The following ATP6V1B2 variants were observed in gnomAD, a reference collection of about 807,000 sequenced individuals.
ATP6V1B2 encodes the protein V-type proton ATPase subunit B, brain isoform.
A neutral mutation model predicts 66.7 loss-of-function variants in ATP6V1B2; 23 were observed. The ratio of observed to expected loss-of-function variants is 0.34; its 90% CI spans 0.25 to 0.49. ATP6V1B2 has a LOEUF of 0.49. Ranked by LOEUF, ATP6V1B2 falls within the 20% of genes least tolerant of loss-of-function variation. ATP6V1B2 has a pLI of 0.99. For synonymous variants in ATP6V1B2, 278 were observed against 236.7 expected (o/e 1.17, Z -1.60); for missense variants, 478 against 650.8 (o/e 0.73, Z 2.89).
At chr8:20,207,573 TAATAA>T (rs547538761) in intron 2 of ATP6V1B2, among the ~76,000 whole-genome samples, 237 of 151,752 alleles carry the variant, frequency 1.6e-3, no homozygotes, top group African/African-American at 5.1e-3. Flanking sequence ...AGTATAATAA[TAATAA>T]AATAAAATAA....
intron 9 of ATP6V1B2, 184 bp downstream of exon 9, chr8:20,213,089 G>A: frequency 1.4e-6 from 1 of 704,740 alleles, no homozygotes; most frequent in South Asian, 1.8e-5. Flanking sequence ...AGTGATTAGA[G>A]GTTAAGATTT....
chr8:20,215,123 C>T, intron 10 of ATP6V1B2, 155 bp downstream of exon 10: 1 of 878,840 alleles, frequency 1.1e-6, no homozygotes. Flanking sequence ...TTGAAAATTA[C>T]CCACAGTTAT....
At chr8:20,206,515 A>G (rs749895461) in intron 2 of ATP6V1B2, among the ~76,000 whole-genome samples, 7 of 152,184 alleles carry the variant, frequency 4.6e-5, no homozygotes, top group African/African-American at 9.7e-5. Context: ...TTTAGGGTAT[A>G]TTAATATATT....
At chr8:20,203,730 C>T (rs2072709579) in intron 1 of ATP6V1B2, among the ~76,000 whole-genome samples, 1 of 152,104 alleles carries the variant, frequency 6.6e-6, no homozygotes, top group South Asian at 2.1e-4. Flanking sequence ...TAGGTGAGGG[C>T]TTTGGGTAGG....
At chr8:20,218,439 C>T (rs1371049453) in intron 13 of ATP6V1B2, among the ~76,000 whole-genome samples, 157 bp downstream of exon 13, 1 of 152,158 alleles carries the variant, frequency 6.6e-6, no homozygotes, top group Non-Finnish European at 1.5e-5. Context: ...TCTGGCTTCT[C>T]CTCTGCCTTC....
At chr8:20,201,192 G>C (rs1349178724) in intron 1 of ATP6V1B2, among the ~76,000 whole-genome samples, 1 of 152,194 alleles carries the variant, frequency 6.6e-6, no homozygotes, top group African/African-American at 2.4e-5. Flanking sequence ...TATCTTCTGT[G>C]TTGTCAGAAG....
chr8:20,207,994 A>G (rs1446009649), intron 2 of ATP6V1B2, among the ~76,000 whole-genome samples: 5 of 152,346 alleles, frequency 3.3e-5, no homozygotes, highest in South Asian at 2.1e-4. Flanking sequence ...AAGTTAGGAA[A>G]ATGCAAACTA....
At chr8:20,215,053 T>C in intron 10 of ATP6V1B2, 85 bp downstream of exon 10, 1 of 1,387,640 alleles carries the variant, frequency 7.2e-7, no homozygotes, top group African/African-American at 1.5e-5. Flanking sequence ...TGAAGTTATT[T>C]TGAGAACACA....
rs1349666364 is a variant in ATP6V1B2 at position 20,218,266 on chromosome 8, G to A, written c.1380G>A (p.Arg460=). 1 of 1,613,138 alleles carries A rather than the reference G, an allele frequency of 6.2e-7. No homozygotes were observed. Among genetic ancestry groups the A allele is most frequent in the Non-Finnish European group, 8.5e-7 (1 of 1,179,350 alleles). The change falls in exon 13 of 14, where the codon AGG becomes AGA. Residue 460 remains arginine (R), a synonymous_variant. Transcript: ENST00000276390. The part of the protein sequence containing the change: ...LYLEFLQKFE[R]NFIAQGPYEN... ...TGGAATTTCTGCAGAAGTTTGAGAG[G>A]AACTTCATTGCTCAGGGTAAGATGA...
intron 5 of ATP6V1B2, 85 bp downstream of exon 5, chr8:20,210,731 G>C (rs1018537683): frequency 7.8e-6 from 9 of 1,154,706 alleles, no homozygotes; most frequent in African/African-American, 7.6e-5. Context: ...AGTGTTTTTT[G>C]TGATATCACT....
intron 1 of ATP6V1B2, among the ~76,000 whole-genome samples, chr8:20,197,862 A>G (rs895774040): frequency 6.6e-6 from 1 of 151,952 alleles, no homozygotes; most frequent in African/African-American, 2.4e-5. Context: ...CCCGAGGGCC[A>G]CTTCTTGCCA....
intron 1 of ATP6V1B2, among the ~76,000 whole-genome samples, chr8:20,202,644 T>A (rs940001696): frequency 1.3e-5 from 2 of 152,208 alleles, no homozygotes; most frequent in South Asian, 2.1e-4. Flanking sequence ...CTGGCAAAAT[T>A]TCATAGTTTG....
intron 1 of ATP6V1B2, among the ~76,000 whole-genome samples, chr8:20,202,480 C>G (rs1410803609): frequency 6.6e-6 from 1 of 152,208 alleles, no homozygotes; most frequent in African/African-American, 2.4e-5. Flanking sequence ...AGGTTACTTA[C>G]TAACTTTTTA....
intron 1 of ATP6V1B2, among the ~76,000 whole-genome samples, chr8:20,200,329 A>C (rs549910647): frequency 6.6e-6 from 1 of 152,060 alleles, no homozygotes; most frequent in Non-Finnish European, 1.5e-5. Flanking sequence ...AAAGCTTCAC[A>C]CTGAACCTTT....
chr8:20,212,937 C>T, intron 9 of ATP6V1B2, 32 bp downstream of exon 9: 1 of 1,611,590 alleles, frequency 6.2e-7, no homozygotes, highest in Non-Finnish European at 8.5e-7. Flanking sequence ...CTCAGTTAAA[C>T]AAAATTGGTT....
intron 2 of ATP6V1B2, among the ~76,000 whole-genome samples, chr8:20,209,000 C>T (rs140727750): frequency 3.9e-5 from 6 of 152,216 alleles, no homozygotes; most frequent in African/African-American, 9.6e-5. Context: ...TGAGCCACCG[C>T]GCCTAGCCTA....
At position 20,216,491 on chromosome 8, in the gene ATP6V1B2, G is replaced by A; in HGVS notation, c.1157G>A (p.Arg386Lys). The change falls in exon 11 of 14, where the codon AGA becomes AAA. Residue 386 changes from arginine (R) to lysine (K), a missense_variant. This residue lies in a region of ATP6V1B2 where 326 missense variants were observed against 545.6 expected (regional missense o/e 0.60). Transcript: ENST00000276390. The stretch of plus-strand genomic sequence containing the variant: ...TATGTGGACAGACAGCTGCACAACA[G>A]ACAGGTACTGGACGGGAGCAGTGCT... ...QIYVDRQLHN[R>K]QIYPPINVLP... is the part of the protein sequence containing the mutation. 1 of 1,612,982 alleles carries A rather than the reference G, an allele frequency of 6.2e-7. No individual in the cohort carries two copies. The highest frequency in any genetic ancestry group is 8.5e-7 in the Non-Finnish European group (1 of 1,179,172).
intron 1 of ATP6V1B2, among the ~76,000 whole-genome samples, chr8:20,202,868 G>A (rs2072701259): frequency 6.6e-6 from 1 of 152,112 alleles, no homozygotes; most frequent in Admixed American, 6.6e-5. Flanking sequence ...TTTTGGAAAG[G>A]TCTACGTTTC....
chr8:20,214,715 A>G, intron 9 of ATP6V1B2, 103 bp from the exon 10 acceptor site: 1 of 1,286,134 alleles, frequency 7.8e-7, no homozygotes, highest in Non-Finnish European at 1.0e-6. Context: ...AATGAACATG[A>G]TGGGATTTTC....
Sources: gnomAD v4.1 joint callset for allele counts (sites outside exome capture counted in the v4.1 genomes callset) on GRCh38, gnomAD v4.1.1 for gene constraint, gnomAD v4.1.1 regional missense constraint, MANE v1.5 for transcripts, NCBI Gene and HGNC (gene_info 2026-07-23, HGNC 2026-07-21) for gene names.